NRG3: variants seen among roughly 807,000 people sequenced by gnomAD.
The protein encoded by NRG3 is pro-neuregulin-3, membrane-bound isoform.
A neutral mutation model predicts 66.9 loss-of-function variants in NRG3; 31 were observed. That is an observed-to-expected ratio of 0.46 (90% confidence interval 0.35 to 0.63). NRG3 has a LOEUF of 0.63. Among genes scored for constraint, NRG3 ranks in the 20% least tolerant of loss-of-function variants. The probability of loss-of-function intolerance (pLI) is 0.00; values close to 1 mark genes in which losing one functional copy is unlikely to be tolerated. For synonymous variants in NRG3, 393 were observed against 359.4 expected (o/e 1.09, Z -1.06); for missense variants, 910 against 878.9 (o/e 1.04, Z -0.45).
At chr10:82,664,467 C>A (rs982059020) in intron 2 of NRG3, among the ~76,000 whole-genome samples, 1 of 152,126 alleles carries the variant, frequency 6.6e-6, no homozygotes, top group Admixed American at 6.5e-5. Flanking sequence ...AAAGGCATTT[C>A]TTAATTAATA....
intron 2 of NRG3, among the ~76,000 whole-genome samples, chr10:82,536,591 G>T (rs1050956098): frequency 1.3e-5 from 2 of 152,026 alleles, no homozygotes; most frequent in African/African-American, 4.8e-5. Context: ...TTTGGTGATC[G>T]ACATGAAGAC....
intron 1 of NRG3, among the ~76,000 whole-genome samples, chr10:82,178,534 A>G (rs2073198124): frequency 6.6e-6 from 1 of 152,142 alleles, no homozygotes. Flanking sequence ...AGATCCATCC[A>G]TGTTGTAGCA....
At chr10:82,221,260 G>T (rs2075929926) in intron 1 of NRG3, among the ~76,000 whole-genome samples, 1 of 146,784 alleles carries the variant, frequency 6.8e-6, no homozygotes, top group East Asian at 2.0e-4. Flanking sequence ...TGGCAAGACA[G>T]AGAAAGAGGA....
At chr10:82,123,238 G>A (rs2068208510) in intron 1 of NRG3, among the ~76,000 whole-genome samples, 1 of 151,984 alleles carries the variant, frequency 6.6e-6, no homozygotes, top group Non-Finnish European at 1.5e-5. Flanking sequence ...TATAATACTT[G>A]GAATATCAAC....
At chr10:82,321,305 G>T (rs1364323887) in intron 1 of NRG3, among the ~76,000 whole-genome samples, 3 of 144,570 alleles carry the variant, frequency 2.1e-5, no homozygotes, top group Admixed American at 6.9e-5. Flanking sequence ...CAGGGGTGGG[G>T]GTGGGGGTCA....
In NRG3 at chr10:82,313,657, C is replaced by CCAGACCACAT. The variant is rs967187157; in HGVS notation, c.824-45079_824-45078insACCACATCAG. ...GTGGGAATGAGCTGGGACCTCATTC[C>CCAGACCACAT]CAGGTCAGATTCTATGTGAATATGG... On this transcript the variant is annotated intron_variant, in intron 1 of 8. Transcript: ENST00000372141. Among the ~76,000 whole-genome samples the CCAGACCACAT allele has an allele frequency of 1.0e-4, 5 of 48,068 alleles. No individual in the cohort carries two copies. In the African/African-American group the frequency reaches 3.1e-3, roughly 30 times the overall value. The allele number at this position is 48,068 out of a possible 152,430, so 31.5% of individuals were successfully genotyped here. A position where few individuals can be genotyped will look rare whatever the true frequency, so the allele number is the denominator to read the frequency against.
intron 3 of NRG3, among the ~76,000 whole-genome samples, chr10:82,783,426 T>C (rs1247098800): frequency 9.2e-5 from 14 of 151,764 alleles, no homozygotes; most frequent in Admixed American, 9.2e-4. Flanking sequence ...TGTCCCTGTT[T>C]GCAGATGACA....
chr10:82,559,268 T>A (rs1213179780), intron 2 of NRG3, among the ~76,000 whole-genome samples: 1 of 152,050 alleles, frequency 6.6e-6, no homozygotes, highest in African/African-American at 2.4e-5. Flanking sequence ...TATATGTGAA[T>A]AAAGATGTAT....
chr10:82,888,078 G>A (rs1842865000), intron 4 of NRG3, among the ~76,000 whole-genome samples: 1 of 152,112 alleles, frequency 6.6e-6, no homozygotes, highest in Non-Finnish European at 1.5e-5. Flanking sequence ...TCAAACAAGG[G>A]CTATTTATAA....
chr10:82,891,585 A>C (rs991043833), intron 4 of NRG3, among the ~76,000 whole-genome samples: 8 of 152,034 alleles, frequency 5.3e-5, no homozygotes, highest in East Asian at 3.9e-4. Flanking sequence ...TTTTATGCTC[A>C]TTATCGTTAC....
chr10:82,060,508 T>C (rs2064086681), intron 1 of NRG3, among the ~76,000 whole-genome samples: 1 of 152,204 alleles, frequency 6.6e-6, no homozygotes, highest in Non-Finnish European at 1.5e-5. Flanking sequence ...AGATCAAAGA[T>C]GCAATAGGGA....
intron 2 of NRG3, among the ~76,000 whole-genome samples, chr10:82,532,712 G>A (rs941821652): frequency 2.0e-4 from 30 of 150,332 alleles, no homozygotes; most frequent in African/African-American, 7.1e-4. Context: ...CTTGACTATT[G>A]TGAATAGTGT....
intron 2 of NRG3, among the ~76,000 whole-genome samples, chr10:82,632,032 A>T (rs2049879481): frequency 6.6e-6 from 1 of 151,966 alleles, no homozygotes; most frequent in Non-Finnish European, 1.5e-5. Context: ...AACCCGGGAG[A>T]CAGAGGTTGC....
At chr10:82,381,801 A>C (rs1181949219) in intron 2 of NRG3, among the ~76,000 whole-genome samples, 1 of 152,288 alleles carries the variant, frequency 6.6e-6, no homozygotes, top group African/African-American at 2.4e-5. Flanking sequence ...ACAAACTGGA[A>C]CACATGGTCA....
Position 82,378,982 on chromosome 10 carries a change from T to G in NRG3, c.953+20114T>G, listed in dbSNP as rs547855301. On this transcript the variant is annotated intron_variant, in intron 2 of 8. Transcript: ENST00000372141. ...AGAGCACTAGAAGATCTGAGTAGTA[T>G]TCGTGGATGGAGAGCAGAGGGGACA... Among the ~76,000 whole-genome samples, 9 of 152,208 alleles carry G rather than the reference T, an allele frequency of 5.9e-5. No individual in the cohort carries two copies. In the South Asian group the frequency reaches 1.5e-3, roughly 25 times the overall value.
intron 1 of NRG3, among the ~76,000 whole-genome samples, chr10:82,258,054 C>T (rs1322656273): frequency 6.6e-6 from 1 of 152,188 alleles, no homozygotes; most frequent in Non-Finnish European, 1.5e-5. Flanking sequence ...TAACACACAT[C>T]CTTTAACAGA....
chr10:82,204,012 G>T (rs2074988168), intron 1 of NRG3, among the ~76,000 whole-genome samples: 1 of 152,096 alleles, frequency 6.6e-6, no homozygotes, highest in Non-Finnish European at 1.5e-5. Flanking sequence ...TGCATCAAGA[G>T]TATAGTAAAT....
chr10:82,705,339 T>C (rs1266730347), intron 2 of NRG3, among the ~76,000 whole-genome samples: 1 of 152,160 alleles, frequency 6.6e-6, no homozygotes, highest in Non-Finnish European at 1.5e-5. Flanking sequence ...ACACTGCTGG[T>C]CCTTAAACAT....
chr10:82,349,137 C>A (rs1395635549), intron 1 of NRG3, among the ~76,000 whole-genome samples: 2 of 151,862 alleles, frequency 1.3e-5, no homozygotes, highest in African/African-American at 2.4e-5. Context: ...GGAGGAGAGG[C>A]GCTCTGCTTT....
Sources: gnomAD v4.1 joint callset for allele counts (sites outside exome capture counted in the v4.1 genomes callset) on GRCh38, gnomAD v4.1.1 for gene constraint, MANE v1.5 for transcripts, NCBI Gene and HGNC (gene_info 2026-07-23, HGNC 2026-07-21) for gene names.